The following FRMPD4 variants were observed in gnomAD, a reference collection of about 807,000 sequenced individuals.
The protein encoded by FRMPD4 is FERM and PDZ domain containing 4.
FRMPD4 carries 22 observed loss-of-function variants against 94.1 expected under a neutral mutation model. That is an observed-to-expected ratio of 0.23 (90% CI 0.17 to 0.33). The LOEUF is 0.33. Among genes scored for constraint, FRMPD4 ranks in the 10% least tolerant of loss-of-function variants. The probability of loss-of-function intolerance (pLI) is 1.00; values close to 1 mark genes in which losing one functional copy is unlikely to be tolerated. For synonymous variants in FRMPD4, 631 were observed against 548.6 expected, an observed-to-expected ratio of 1.15 and a Z score of -2.10; for missense variants, 1,111 against 1,339.9, an observed-to-expected ratio of 0.83 and a Z score of 2.67.
rs1172824155 is a variant in FRMPD4 at position 11,978,321 on chromosome X, C to CAAA, written c.95+100329_95+100331dup. On this transcript the variant is annotated intron_variant, in intron 3 of 18. Coordinates refer to the FRMPD4 transcript ENST00000640291. ...TGGATGACAGAGTGAAACTCCATCT[C>CAAA]AAAAAAAAAAAAAAAAAAAAAAAAA... Among the ~76,000 whole-genome samples, 57 of 16,345 alleles carry CAAA rather than the reference C, an allele frequency of 3.5e-3. 8 individuals are homozygous for CAAA. Among genetic ancestry groups the CAAA allele is most frequent in the East Asian group, 0.02 (8 of 406 alleles). 14.2% of individuals were successfully genotyped at this position (16,345 alleles called of 115,157 possible).
intron 1 of FRMPD4, among the ~76,000 whole-genome samples, chrX:12,207,323 A>T (rs1353559962): frequency 9.0e-6 from 1 of 111,663 alleles, no homozygotes; most frequent in African/African-American, 3.3e-5. Context: ...GAAATTTCTC[A>T]ATATTTTAAC....
At chrX:12,194,607 G>T (rs1465521045) in intron 1 of FRMPD4, among the ~76,000 whole-genome samples, 4 of 111,573 alleles carry the variant, frequency 3.6e-5, no homozygotes, top group African/African-American at 9.8e-5. Context: ...TGGGTGTTTT[G>T]TGTATGATTT....
chrX:11,969,196 A>G (rs1306172500), intron 3 of FRMPD4, among the ~76,000 whole-genome samples: 2 of 112,377 alleles, frequency 1.8e-5, no homozygotes, highest in Non-Finnish European at 3.8e-5. Flanking sequence ...CTCAATCAAC[A>G]TTTCCTTTCT....
intron 2 of FRMPD4, among the ~76,000 whole-genome samples, chrX:12,525,954 CTT>C (rs1367271516): frequency 8.9e-6 from 1 of 112,684 alleles, no homozygotes; most frequent in Admixed American, 9.4e-5. Context: ...AATTTCAAGT[CTT>C]TTGCCTACTT....
intron 1 of FRMPD4, among the ~76,000 whole-genome samples, chrX:12,476,163 A>G (rs1346061541): frequency 1.8e-5 from 2 of 111,723 alleles, no homozygotes; most frequent in African/African-American, 3.3e-5. Context: ...AATGCCACAT[A>G]TCTACAACTA....
intron 3 of FRMPD4, among the ~76,000 whole-genome samples, chrX:11,976,918 T>A (rs1057043523): frequency 3.6e-5 from 4 of 111,695 alleles, no homozygotes; most frequent in African/African-American, 6.5e-5. Context: ...GTTCTTTTTT[T>A]AAAAAAAATG....
At position 12,717,096 on chromosome X, in the gene FRMPD4, A is replaced by C. The variant is rs540298767; in HGVS notation, c.2637A>C (p.Leu879=). ...VVSTLGALEA[L]SVSEEQQTSD... ...CCACGCTGGGAGCTCTAGAGGCTCT[A>C]TCCGTGTCAGAAGAACAGCAGACCA... Residue 879 remains leucine (L), a synonymous_variant, in exon 15 of 17, where the codon CTA becomes CTC. Coordinates refer to ENST00000675598, the MANE Select transcript of FRMPD4 (RefSeq NM_001368397.1). The C allele has an allele frequency of 1.1e-5, 13 of 1,189,834 alleles. No homozygotes were observed. In the South Asian group the frequency reaches 1.6e-4, roughly 15 times the overall value.
intron 3 of FRMPD4, among the ~76,000 whole-genome samples, chrX:12,030,239 A>G (rs1231626795): frequency 1.8e-5 from 2 of 112,302 alleles, no homozygotes; most frequent in Non-Finnish European, 3.8e-5. Context: ...AAAAGTTAGC[A>G]TCTACATTGC....
chrX:12,453,268 A>G (rs969726941), intron 1 of FRMPD4, among the ~76,000 whole-genome samples: 1 of 111,972 alleles, frequency 8.9e-6, no homozygotes, highest in East Asian at 2.8e-4. Flanking sequence ...CTTCTTGAAA[A>G]GCAGATATAT....
intron 1 of FRMPD4, among the ~76,000 whole-genome samples, chrX:12,446,655 C>T (rs2057199390): frequency 9.0e-6 from 1 of 111,729 alleles, no homozygotes; most frequent in African/African-American, 3.3e-5. Context: ...TTGCTAGGCT[C>T]TTATTTTCTC....
chrX:12,429,962 A>C (rs73632686), intron 1 of FRMPD4, among the ~76,000 whole-genome samples: 4,598 of 112,040 alleles, frequency 0.041, 270 homozygotes, highest in African/African-American at 0.14. Context: ...ATGCTGTCTT[A>C]GAAGCAGAGA....
chrX:12,477,369 G>C (rs746272866), intron 1 of FRMPD4, among the ~76,000 whole-genome samples: 4 of 111,940 alleles, frequency 3.6e-5, no homozygotes, highest in African/African-American at 1.3e-4. Context: ...ACGAGTTAAC[G>C]GGTGCAGCAC....
At chrX:12,590,949 T>C (rs2058977101) in intron 2 of FRMPD4, among the ~76,000 whole-genome samples, 1 of 112,345 alleles carries the variant, frequency 8.9e-6, no homozygotes, top group African/African-American at 3.2e-5. Flanking sequence ...AGTTTAAGTA[T>C]TAATCTTTAA....
upstream of FRMPD4, among the ~76,000 whole-genome samples, chrX:12,136,349 A>C (rs1316548717): frequency 9.0e-6 from 1 of 111,087 alleles, no homozygotes; most frequent in African/African-American, 3.3e-5. Context: ...AAGAAATCCT[A>C]AAGATAAAAA....
intron 3 of FRMPD4, among the ~76,000 whole-genome samples, chrX:12,094,648 A>T (rs1370918905): frequency 1.8e-5 from 2 of 112,288 alleles, no homozygotes; most frequent in Non-Finnish European, 3.8e-5. Context: ...TTGAACTTTG[A>T]TCCCAGCACT....
chrX:12,485,926 A>T (rs1327508805), intron 1 of FRMPD4, among the ~76,000 whole-genome samples: 3 of 110,200 alleles, frequency 2.7e-5, no homozygotes, highest in Admixed American at 9.7e-5. Flanking sequence ...AAAAAAAAAA[A>T]ATCAGAGATG....
chrX:12,372,015 C>T (rs2056169377), intron 1 of FRMPD4, among the ~76,000 whole-genome samples: 1 of 112,089 alleles, frequency 8.9e-6, no homozygotes, highest in Non-Finnish European at 1.9e-5. Flanking sequence ...GCATTTTGTG[C>T]TTTATCAAGC....
intron 1 of FRMPD4, among the ~76,000 whole-genome samples, chrX:12,146,419 C>G (rs5979518): frequency 0.16 from 17,027 of 109,484 alleles, 1,050 homozygotes; most frequent in South Asian, 0.33. Context: ...TGTTATTCCT[C>G]CTTTCCAGCC....
At chrX:12,299,673 T>A (rs1187188482) in intron 1 of FRMPD4, among the ~76,000 whole-genome samples, 1 of 111,545 alleles carries the variant, frequency 9.0e-6, no homozygotes, top group Non-Finnish European at 1.9e-5. Context: ...ATTTCAGTAA[T>A]ATTCAACAAT....
Sources: gnomAD v4.1 joint callset for allele counts (sites outside exome capture counted in the v4.1 genomes callset) on GRCh38, gnomAD v4.1.1 for gene constraint, MANE v1.5 for transcripts, NCBI Gene and HGNC (gene_info 2026-07-23, HGNC 2026-07-21) for gene names.